Variants in AGAP1 observed in about 807,000 individuals in gnomAD.
AGAP1 encodes arf-GAP with GTPase, ANK repeat and PH domain-containing protein 1.
Under a neutral mutation model 105.3 loss-of-function variants are expected in AGAP1, and 29 were observed. The ratio of observed to expected loss-of-function variants is 0.28; its 90% CI spans 0.21 to 0.38. The LOEUF (loss-of-function observed/expected upper bound fraction) is 0.38, where lower values mean the gene tolerates loss of function less well. Among genes scored for constraint, AGAP1 ranks in the 10% least tolerant of loss-of-function variants. The pLI is 1.00. For synonymous variants in AGAP1, 509 were observed against 485.9 expected (o/e 1.05, Z -0.63); for missense variants, 998 against 1,165.1 (o/e 0.86, Z 2.09).
intron 14 of AGAP1, among the ~76,000 whole-genome samples, chr2:236,039,871 AT>A (rs1313085148): frequency 6.6e-6 from 1 of 152,212 alleles, no homozygotes; most frequent in Admixed American, 6.5e-5. Context: ...ATGATTGTTT[AT>A]TAATTTTATG....
intron 6 of AGAP1, among the ~76,000 whole-genome samples, chr2:235,766,057 A>G (rs1468538024): frequency 6.6e-6 from 1 of 152,194 alleles, no homozygotes. Flanking sequence ...TTGGCTGCAC[A>G]GTTCGATTCT....
rs555456917 is a variant in AGAP1, at chr2:235,788,258, C to T, written c.674-9501C>T. Among the ~76,000 whole-genome samples the T allele has an allele frequency of 5.3e-5, 8 of 152,286 alleles. No individual in the cohort carries two copies. Among genetic ancestry groups the T allele is most frequent in the Admixed American group, 1.3e-4 (2 of 15,296 alleles). On this transcript the variant is annotated intron_variant, in intron 6 of 17. Transcript: ENST00000304032. This position sits in a 1 kb window ranked among gnomAD's most constrained non-coding sequence, Gnocchi z 6.0. Reference sequence around the variant, plus strand: ...TTCCAGACACAGCTTAATTCCTTCACGCTGGAGTATGACTTGGATGTACAA... The same window carrying T: ...TTCCAGACACAGCTTAATTCCTTCATGCTGGAGTATGACTTGGATGTACAA...
chr2:235,508,599 G>A (rs1201468479), intron 1 of AGAP1, among the ~76,000 whole-genome samples: 1 of 152,162 alleles, frequency 6.6e-6, no homozygotes, highest in Non-Finnish European at 1.5e-5. Context: ...GAGGCAAGCT[G>A]ACTGCCTGCG....
At position 236,124,380 on chromosome 2, in the gene AGAP1, G is replaced by A. The variant is rs1446410585; in HGVS notation, c.*258G>A. ...TAAACCACACACAGGAGAGAGCGAC[G>A]GGCCTCGGCCCTTTGATGATAGCAC... On this transcript the variant is annotated 3_prime_UTR_variant, in exon 18 of 18. Coordinates refer to ENST00000304032, the MANE Select transcript of AGAP1 (RefSeq NM_001037131.3). This position sits in a 1 kb window ranked among gnomAD's most constrained non-coding sequence, Gnocchi z 5.1. 1.9e-5 allele frequency: 10 copies of A among 539,566 alleles called. No individual in the cohort carries two copies. The highest frequency in any genetic ancestry group is 3.8e-5 in the African/African-American group (2 of 52,484). 33.4% of individuals were successfully genotyped at this position (539,566 alleles called of 1,614,324 possible).
In AGAP1 at chr2:235,582,731, C is replaced by T. The variant is rs1045479137; in HGVS notation, c.163+87882C>T. Reference sequence around the variant, plus strand: ...TGGGAGAAGTCAGAGAGAGGGGGCTCGTGGTCCTTCTTGGGCTCTCATTGC... The same window carrying T: ...TGGGAGAAGTCAGAGAGAGGGGGCTTGTGGTCCTTCTTGGGCTCTCATTGC... On this transcript the variant is annotated intron_variant, in intron 1 of 17. Coordinates refer to ENST00000304032, the MANE Select transcript of AGAP1 (RefSeq NM_001037131.3). The surrounding 1 kb of genome is among the most constrained non-coding windows in gnomAD (Gnocchi z 4.7). Among the ~76,000 whole-genome samples the T allele has an allele frequency of 2.0e-5, 3 of 152,228 alleles. No homozygotes were observed. The highest frequency in any genetic ancestry group is 4.8e-5 in the African/African-American group (2 of 41,478).
chr2:235,666,317 C>T (rs1012395480), intron 1 of AGAP1, among the ~76,000 whole-genome samples: 1 of 152,030 alleles, frequency 6.6e-6, no homozygotes, highest in African/African-American at 2.4e-5. Context: ...GCCACCTGAA[C>T]ATATATAGTA....
chr2:235,901,465 A>G lies in AGAP1; in HGVS notation c.1156-7273A>G, dbSNP rs2051060598. 6.6e-6 allele frequency among the ~76,000 whole-genome samples: 1 copy of G among 152,220 alleles called. No homozygotes were observed. Among genetic ancestry groups the G allele is most frequent in the Admixed American group, 6.5e-5 (1 of 15,280 alleles). On this transcript the variant is annotated intron_variant, in intron 10 of 17. Coordinates refer to ENST00000304032, the MANE Select transcript of AGAP1 (RefSeq NM_001037131.3). The surrounding 1 kb of genome is among the most constrained non-coding windows in gnomAD (Gnocchi z 4.3). ...CATTTACAATATCTTTCCACAGTCC[A>G]ACCCTTTGCTCCTCCCCGGTTGTGT...
chr2:235,674,423 C>T (rs915092809), intron 1 of AGAP1, among the ~76,000 whole-genome samples: 1 of 152,196 alleles, frequency 6.6e-6, no homozygotes, highest in Non-Finnish European at 1.5e-5. Flanking sequence ...CAGTGGATGC[C>T]GTCTGGGCCG....
chr2:235,587,560 T>C (rs1459600374), intron 1 of AGAP1, among the ~76,000 whole-genome samples: 1 of 151,970 alleles, frequency 6.6e-6, no homozygotes, highest in Non-Finnish European at 1.5e-5. Context: ...GCAACTAGCC[T>C]GGCCAACATG....
chr2:235,869,820 C>G lies in AGAP1; in HGVS notation c.1051-13525C>G, dbSNP rs563913682. Reference sequence around the variant, plus strand: ...GAAAAGGTCACTGGCAGTCATCTATCTGAGACCTCAGTTCTTCCTCAAATA... The same window carrying G: ...GAAAAGGTCACTGGCAGTCATCTATGTGAGACCTCAGTTCTTCCTCAAATA... On this transcript the variant is annotated intron_variant, in intron 9 of 17. Coordinates refer to ENST00000304032, the MANE Select transcript of AGAP1 (RefSeq NM_001037131.3). Among the ~76,000 whole-genome samples the G allele has an allele frequency of 2.6e-5, 4 of 152,332 alleles. 1 individual carries two copies. The South Asian group carries it at 6.2e-4, about 24-fold the overall frequency.
In AGAP1 at chr2:236,040,878, G is replaced by A; in HGVS notation, c.1891+37G>A. On this transcript the variant is annotated intron_variant, in intron 15 of 17. Coordinates refer to ENST00000304032, the MANE Select transcript of AGAP1 (RefSeq NM_001037131.3). The surrounding 1 kb of genome is among the most constrained non-coding windows in gnomAD (Gnocchi z 5.6). ...CGGTGGTAGCAGGGGCTGGCGCTGT[G>A]TAGCTGGAGACCACATGGTCCCACT... 5.0e-6 allele frequency: 8 copies of A among 1,609,844 alleles called. No individual in the cohort carries two copies. Among genetic ancestry groups the A allele is most frequent in the South Asian group, 2.2e-5 (2 of 90,912 alleles).
At chr2:235,533,718 G>T (rs1943117353) in intron 1 of AGAP1, among the ~76,000 whole-genome samples, 1 of 152,232 alleles carries the variant, frequency 6.6e-6, no homozygotes, top group Non-Finnish European at 1.5e-5. Flanking sequence ...AGAAATCAGT[G>T]TTGGGATTTT....
intron 1 of AGAP1, among the ~76,000 whole-genome samples, chr2:235,618,158 G>A (rs2149265948): frequency 1.3e-5 from 2 of 152,242 alleles, no homozygotes; most frequent in South Asian, 2.1e-4. Context: ...CTGTTACTGC[G>A]TTGATGATGT....
chr2:236,102,289 T>C (rs4663640), intron 16 of AGAP1, among the ~76,000 whole-genome samples: 150,596 of 151,600 alleles, frequency 0.99, 74,806 homozygotes, highest in East Asian at 1. Context: ...TGGTGGCGGG[T>C]GCCTGTGGTC....
intron 8 of AGAP1, among the ~76,000 whole-genome samples, chr2:235,805,420 A>C (rs1037154713): frequency 5.9e-5 from 9 of 152,172 alleles, no homozygotes; most frequent in Admixed American, 4.6e-4. Context: ...GGAAGATGTT[A>C]ATTTTTTTAA....
chr2:235,926,032 T>A (rs2052430313), intron 11 of AGAP1, among the ~76,000 whole-genome samples: 1 of 152,244 alleles, frequency 6.6e-6, no homozygotes, highest in Admixed American at 6.5e-5. Flanking sequence ...TGCTTAAAGA[T>A]ATTTCCAAAA....
At chr2:235,995,387 A>G (rs1354108548) in intron 13 of AGAP1, among the ~76,000 whole-genome samples, 11 of 151,506 alleles carry the variant, frequency 7.3e-5, no homozygotes, top group Non-Finnish European at 1.5e-4. Context: ...GGTGGTGCGC[A>G]CCTATAATCC....
At chr2:235,946,445 C>T (rs971344680) in intron 12 of AGAP1, among the ~76,000 whole-genome samples, 3 of 152,098 alleles carry the variant, frequency 2.0e-5, no homozygotes, top group Non-Finnish European at 2.9e-5. Context: ...GCTGGGGATT[C>T]CAGGCTTGAG....
At position 235,988,736 on chromosome 2, in the gene AGAP1, G is replaced by C. The variant is rs181783078; in HGVS notation, c.1645+20113G>C. On this transcript the variant is annotated intron_variant, in intron 13 of 17. Transcript: ENST00000304032. This position sits in a 1 kb window ranked among gnomAD's most constrained non-coding sequence, Gnocchi z 4.7. ...CCGCCGACTCCACTCTGGCCAAGAC[G>C]AGCTCTCAGATTGCACTTCAGAATC... Among the ~76,000 whole-genome samples, 1 of 152,094 alleles carries C rather than the reference G, an allele frequency of 6.6e-6. No individual in the cohort carries two copies. Among genetic ancestry groups the C allele is most frequent in the Non-Finnish European group, 1.5e-5 (1 of 68,020 alleles).
Sources: gnomAD v4.1 joint callset for allele counts (sites outside exome capture counted in the v4.1 genomes callset) on GRCh38, gnomAD v4.1.1 for gene constraint, Gnocchi (gnomAD v3.1) non-coding constraint, MANE v1.5 for transcripts, NCBI Gene and HGNC (gene_info 2026-07-23, HGNC 2026-07-21) for gene names.